The following CCDC138 variants were observed in gnomAD, a reference collection of about 807,000 sequenced individuals.
CCDC138 encodes coiled-coil domain-containing protein 138.
In CCDC138, 66 loss-of-function variants were observed where a neutral mutation model predicts 82.3. The observed-to-expected ratio is 0.80, with a 90% CI of 0.66 to 0.98. The LOEUF is 0.98. Among genes scored for constraint, CCDC138 ranks in the 50% least tolerant of loss-of-function variants. The pLI, the probability that CCDC138 is intolerant of heterozygous loss-of-function variation, is 0.00. For missense variants in CCDC138, 816 were observed against 758.9 expected (o/e 1.08, Z -0.88); for synonymous variants, 297 against 265.4 (o/e 1.12, Z -1.16).
intron 9 of CCDC138, among the ~76,000 whole-genome samples, chr2:108,815,128 G>GA (rs1386005319): frequency 1.3e-5 from 2 of 151,934 alleles, no homozygotes; most frequent in Admixed American, 6.5e-5. Flanking sequence ...AGATTTCTAG[G>GA]AAAAAAATGT....
At chr2:108,789,657 T>A (rs1357029507) in intron 3 of CCDC138, among the ~76,000 whole-genome samples, 1 of 152,212 alleles carries the variant, frequency 6.6e-6, no homozygotes, top group Non-Finnish European at 1.5e-5. Context: ...AGCATTTTAC[T>A]ATCTCTGGTG....
In CCDC138 at chr2:108,786,919, A is replaced by C. The variant is rs13389858; in HGVS notation, c.93+4A>C. 5.3e-3 allele frequency: 8,104 copies of C among 1,521,288 alleles called. 347 individuals carry two copies. In the African/African-American group the frequency reaches 0.096, roughly 18 times the overall value. The allele number at this position is 1,521,288 out of a possible 1,614,324, so 94.2% of individuals were successfully genotyped here. On this transcript the variant is annotated splice_donor_region_variant and intron_variant, in intron 1 of 14. Coordinates refer to ENST00000295124, the MANE Select transcript of CCDC138 (RefSeq NM_144978.3). ...CGGGGGCAGCTGCCCCGACGAGGTG[A>C]AGCCGCCGCCTGAGGTCCGCGGGTG...
At chr2:108,844,817 G>A (rs1690165157) in intron 11 of CCDC138, among the ~76,000 whole-genome samples, 1 of 147,920 alleles carries the variant, frequency 6.8e-6, no homozygotes, top group Non-Finnish European at 1.5e-5. Context: ...GCACGATCTC[G>A]GCTCACTGCA....
chr2:108,844,869 T>A (rs1221915265), intron 11 of CCDC138, among the ~76,000 whole-genome samples: 1 of 151,362 alleles, frequency 6.6e-6, no homozygotes, highest in Non-Finnish European at 1.5e-5. Flanking sequence ...TGCCTCACCC[T>A]CCTGAATAGC....
At chr2:108,865,027 G>A (rs7600513) in intron 13 of CCDC138, among the ~76,000 whole-genome samples, 108,351 of 151,964 alleles carry the variant, frequency 0.71, 41,639 homozygotes, top group East Asian at 0.9. Flanking sequence ...TGAAAAGTCT[G>A]CCTTCAGTTA....
chr2:108,829,260 A>G (rs1403147749), intron 10 of CCDC138, among the ~76,000 whole-genome samples: 1 of 152,180 alleles, frequency 6.6e-6, no homozygotes, highest in Admixed American at 6.6e-5. Flanking sequence ...CACAATATAT[A>G]AGGAACTCCT....
chr2:108,818,105 A>G (rs1436880225), intron 10 of CCDC138, among the ~76,000 whole-genome samples: 1 of 152,114 alleles, frequency 6.6e-6, no homozygotes, highest in East Asian at 1.9e-4. Context: ...TAGGGGTTTG[A>G]GATCAGCTTT....
In CCDC138 at chr2:108,839,238, A is replaced by G. The variant is rs1267019955; in HGVS notation, c.1260A>G (p.Lys420=). 2 of 1,612,512 alleles carry G rather than the reference A, an allele frequency of 1.2e-6. No homozygotes were observed. The highest frequency in any genetic ancestry group is 2.7e-5 in the African/African-American group (2 of 74,856). ...AGTGGATGCCATTTGTGAATATCAA[A>G]CTTCACGAGCCTTTTGTAAAATTTA... ...QLQWMPFVNI[K]LHEPFVKFIY... The change falls in exon 11 of 15, where the codon AAA becomes AAG. Residue 420 remains lysine (K), a synonymous_variant. Transcript: ENST00000295124.
intron 14 of CCDC138, among the ~76,000 whole-genome samples, chr2:108,874,401 A>G (rs2105287254): frequency 6.6e-6 from 1 of 152,322 alleles, no homozygotes; most frequent in Non-Finnish European, 1.5e-5. Flanking sequence ...ACTATAAATA[A>G]GGACATCGAT....
At chr2:108,837,105 G>C (rs561932447) in intron 10 of CCDC138, among the ~76,000 whole-genome samples, 2 of 152,114 alleles carry the variant, frequency 1.3e-5, no homozygotes, top group African/African-American at 4.8e-5. Flanking sequence ...GTGAGGGTGT[G>C]CTTGTCTTGT....
intron 6 of CCDC138, 62 bp from the exon 7 acceptor site, chr2:108,804,827 T>A: frequency 7.5e-7 from 1 of 1,342,218 alleles, no homozygotes; most frequent in South Asian, 2.5e-5. Context: ...TCACGTTCCA[T>A]AGTATTAGTG....
chr2:108,839,248 C>T lies in CCDC138; in HGVS notation c.1270C>T (p.Pro424Ser), dbSNP rs951367976. 1.9e-6 allele frequency: 3 copies of T among 1,612,474 alleles called. No homozygotes were observed. Among genetic ancestry groups the T allele is most frequent in the East Asian group, 2.2e-5 (1 of 44,742 alleles). Residue 424 changes from proline (P) to serine (S), a missense_variant, in exon 11 of 15, where the codon CCT becomes TCT. By Grantham distance (74) the Pro-to-Ser change is moderately conservative. Transcript: ENST00000295124. ...MPFVNIKLHE[P>S]FVKFIYWSLR... ...ATTTGTGAATATCAAACTTCACGAGCCTTTTGTAAAATTTATATATTGGTC... is the reference window on the plus strand; with the variant it reads ...ATTTGTGAATATCAAACTTCACGAGTCTTTTGTAAAATTTATATATTGGTC...
At chr2:108,805,324 A>G (rs1682673351) in intron 7 of CCDC138, among the ~76,000 whole-genome samples, 1 of 152,140 alleles carries the variant, frequency 6.6e-6, no homozygotes, top group Admixed American at 6.6e-5. Context: ...ACATTCATTT[A>G]TTTTTGAGTA....
intron 13 of CCDC138, among the ~76,000 whole-genome samples, chr2:108,867,655 A>G (rs1053436915): frequency 6.6e-6 from 1 of 152,178 alleles, no homozygotes; most frequent in African/African-American, 2.4e-5. Context: ...ACTGAAGAGG[A>G]AAATTCATTT....
At chr2:108,805,235 C>A (rs1219972673) in intron 7 of CCDC138, among the ~76,000 whole-genome samples, 1 of 152,098 alleles carries the variant, frequency 6.6e-6, no homozygotes, top group Admixed American at 6.6e-5. Context: ...AAGAAAAAAA[C>A]CTGATAACCT....
intron 10 of CCDC138, among the ~76,000 whole-genome samples, chr2:108,822,608 T>C (rs1685904196): frequency 1.3e-5 from 2 of 152,216 alleles, no homozygotes; most frequent in African/African-American, 4.8e-5. Flanking sequence ...ACAAAATTTC[T>C]GATCACAATG....
chr2:108,876,405 G>T lies in CCDC138; in HGVS notation c.*152G>T. ...TTTTTGAACTGTAAAAATGAAATCT[G>T]TAGAAGGTATTGGAACTTTTGGAAT... On this transcript the variant is annotated 3_prime_UTR_variant, in exon 15 of 15. Transcript: ENST00000295124. The T allele has an allele frequency of 2.1e-6, 1 of 473,204 alleles. No homozygotes were observed. 29.3% of individuals were successfully genotyped at this position (473,204 alleles called of 1,614,324 possible).
intron 13 of CCDC138, among the ~76,000 whole-genome samples, chr2:108,867,489 T>C (rs1305079166): frequency 6.6e-6 from 1 of 152,220 alleles, no homozygotes; most frequent in Non-Finnish European, 1.5e-5. Context: ...GAATATGGAT[T>C]ACCCTGCTCC....
rs1055843992 is a variant in CCDC138 at position 108,853,879 on chromosome 2, A to C, written c.1517-2915A>C. Among the ~76,000 whole-genome samples, 4 of 123,110 alleles carry C rather than the reference A, an allele frequency of 3.2e-5. No homozygotes were observed. The South Asian group carries it at 6.6e-4, about 20-fold the overall frequency. The allele number at this position is 123,110 out of a possible 152,430, so 80.8% of individuals were successfully genotyped here. A position where few individuals can be genotyped will look rare whatever the true frequency, so the allele number is the denominator to read the frequency against. On this transcript the variant is annotated intron_variant, in intron 12 of 14. Coordinates refer to ENST00000295124, the MANE Select transcript of CCDC138 (RefSeq NM_144978.3). ...ATATATATAATATATATACTATATAATATATTATATAGTATATATATTATA... is the reference window on the plus strand; with the variant it reads ...ATATATATAATATATATACTATATACTATATTATATAGTATATATATTATA...
Sources: gnomAD v4.1 joint callset for allele counts (sites outside exome capture counted in the v4.1 genomes callset) on GRCh38, gnomAD v4.1.1 for gene constraint, MANE v1.5 for transcripts, NCBI Gene and HGNC (gene_info 2026-07-23, HGNC 2026-07-21) for gene names.